Variants in PKHD1 observed in about 807,000 individuals in gnomAD.
The protein encoded by PKHD1 is PKHD1 ciliary IPT domain containing fibrocystin/polyductin.
Under a neutral mutation model 412.0 loss-of-function variants are expected in PKHD1, and 291 were observed. That is an observed-to-expected ratio of 0.71 (90% CI 0.64 to 0.78). The LOEUF is 0.78. Ranked by LOEUF, PKHD1 falls within the 30% of genes least tolerant of loss-of-function variation. The pLI, the probability that PKHD1 is intolerant of heterozygous loss-of-function variation, is 0.00. For missense variants in PKHD1, 4,825 were observed against 4,950.7 expected (o/e 0.97, Z 0.76); for synonymous variants, 1,777 against 1,821.5 (o/e 0.98, Z 0.62).
At chr6:51,747,031 T>G (rs1281706198) in intron 58 of PKHD1, 142 bp from the exon 59 acceptor site, 1 of 600,586 alleles carries the variant, frequency 1.7e-6, no homozygotes, top group African/African-American at 1.9e-5. Context: ...GGAGTTTACA[T>G]ACATCTTGAT....
At chr6:52,019,355 TG>T (rs1801061801) in intron 33 of PKHD1, among the ~76,000 whole-genome samples, 1 of 152,236 alleles carries the variant, frequency 6.6e-6, no homozygotes, top group African/African-American at 2.4e-5. Context: ...ATAGTACTAT[TG>T]TTGCTGTTAT....
intron 40 of PKHD1, among the ~76,000 whole-genome samples, chr6:51,907,608 C>T (rs966282937): frequency 5.3e-5 from 8 of 152,136 alleles, no homozygotes; most frequent in African/African-American, 2.4e-5. Context: ...ACCTATGTAA[C>T]AAACCTGCAC....
intron 60 of PKHD1, among the ~76,000 whole-genome samples, chr6:51,736,616 C>G (rs957135179): frequency 5.9e-5 from 9 of 152,076 alleles, no homozygotes; most frequent in African/African-American, 2.2e-4. Context: ...AGCTATATAC[C>G]AAGCTTCAAT....
At chr6:52,056,584 A>G (rs914307618) in intron 18 of PKHD1, 114 bp downstream of exon 18, 1 of 773,010 alleles carries the variant, frequency 1.3e-6, no homozygotes, top group Non-Finnish European at 2.2e-6. Flanking sequence ...CAGGTTTCAT[A>G]TTTTTTTTTT....
At chr6:52,001,982 A>T (rs1038437309) in intron 35 of PKHD1, among the ~76,000 whole-genome samples, 1 of 152,308 alleles carries the variant, frequency 6.6e-6, no homozygotes, top group African/African-American at 2.4e-5. Flanking sequence ...GCACATTTCC[A>T]GGGCTGTCTA....
chr6:52,074,855 C>T (rs1811129180), intron 6 of PKHD1, among the ~76,000 whole-genome samples: 1 of 152,144 alleles, frequency 6.6e-6, no homozygotes, highest in Non-Finnish European at 1.5e-5. Flanking sequence ...TGGATCCTGC[C>T]CAGGGGGGAC....
At position 52,083,250 on chromosome 6, in the gene PKHD1, G is replaced by T; in HGVS notation, c.58C>A (p.His20Asn). 1 of 1,600,324 alleles carries T rather than the reference G, an allele frequency of 6.2e-7. No homozygotes were observed. The highest frequency in any genetic ancestry group is 8.6e-7 in the Non-Finnish European group (1 of 1,167,426). ...TCAGGTTCAATATGTAAACTCAGGT[G>T]ACGTACTGTAAGTAAGTGAAAAAAA... ...SIEVLLLAVR[H>N]LSLHIEPEEG... Residue 20 changes from histidine to asparagine, a missense_variant, in exon 3 of 67, where the codon CAC becomes AAC. Transcript: ENST00000371117.
chr6:51,802,870 G>A (rs1206403772), intron 52 of PKHD1, among the ~76,000 whole-genome samples: 2 of 150,736 alleles, frequency 1.3e-5, no homozygotes, highest in Admixed American at 6.6e-5. Context: ...CGGTATTATT[G>A]ACTTTTTTTC....
chr6:51,959,795 G>C (rs2127945999), intron 36 of PKHD1, 75 bp downstream of exon 36: 1 of 1,327,782 alleles, frequency 7.5e-7, no homozygotes, highest in East Asian at 2.3e-5. Context: ...TATCCAGAAA[G>C]TTTCCCTCCT....
chr6:51,922,270 C>A (rs567683920), intron 37 of PKHD1, among the ~76,000 whole-genome samples: 24 of 152,248 alleles, frequency 1.6e-4, no homozygotes, highest in Non-Finnish European at 2.9e-4. Flanking sequence ...TGAAGAACAG[C>A]AAATATTGCA....
intron 60 of PKHD1, among the ~76,000 whole-genome samples, chr6:51,679,707 A>G (rs941557481): frequency 8.6e-5 from 13 of 151,966 alleles, no homozygotes; most frequent in Non-Finnish European, 1.9e-4. Flanking sequence ...TAATGACCCA[A>G]CTCGGTGATT....
intron 12 of PKHD1, among the ~76,000 whole-genome samples, chr6:52,065,461 T>G (rs916527546): frequency 1.8e-4 from 28 of 152,024 alleles, no homozygotes; most frequent in African/African-American, 6.0e-4. Flanking sequence ...CATGACAGTG[T>G]GAGGACACCC....
At position 52,054,082 on chromosome 6, in the gene PKHD1, C is replaced by A; in HGVS notation, c.1920G>T (p.Lys640Asn). The A allele has an allele frequency of 6.2e-7, 1 of 1,614,026 alleles. No homozygotes were observed. The change falls in exon 20 of 67, where the codon AAG becomes AAT. Residue 640 changes from lysine (K) to asparagine (N), a missense_variant. Physicochemically the swap from Lys to Asn is moderately conservative, Grantham distance 94. Transcript: ENST00000371117. ...SFTIGFQNMVKNTTCDWSLTR... is the reference protein window; with the variant it reads ...SFTIGFQNMVNNTTCDWSLTR... ...TGAGACTCCAGTCACAGGTGGTATTCTTTACCATGTTTTGAAAGCCGATTG... is the reference window on the plus strand; with the variant it reads ...TGAGACTCCAGTCACAGGTGGTATTATTTACCATGTTTTGAAAGCCGATTG...
In PKHD1 at chr6:52,067,527, T is replaced by C. The variant is rs550056834; in HGVS notation, c.779-1450A>G. ...GTAAGGCAGGTATGCAAAACTATCA[T>C]TTAATACCTTGGGTCGGAGAAATTA... On this transcript the variant is annotated intron_variant, in intron 11 of 66. Coordinates refer to ENST00000371117, the MANE Select transcript of PKHD1 (RefSeq NM_138694.4). Among the ~76,000 whole-genome samples, 25 of 152,336 alleles carry C rather than the reference T, an allele frequency of 1.6e-4. No homozygotes were observed. In the South Asian group the frequency reaches 2.3e-3, roughly 14 times the overall value.
In PKHD1 at chr6:52,025,011, C is replaced by T; in HGVS notation, c.4799G>A (p.Gly1600Glu). 6.2e-7 allele frequency: 1 copy of T among 1,614,192 alleles called. No individual in the cohort carries two copies. The highest frequency in any genetic ancestry group is 2.2e-5 in the East Asian group (1 of 44,882). ...AATATAGACTGACGTGGTGTTCTGT[C>T]CTCTCAGGCCTGTGCCCTCTATGGT... The part of the protein sequence containing the change: ...LLTIEGTGLR[G>E]QNTTSVYIDQ... Residue 1600 changes from glycine to glutamate, a missense_variant, in exon 32 of 67, where the codon GGA becomes GAA. By Grantham distance (98) the Gly-to-Glu change is moderately conservative (BLOSUM62 -2). Transcript: ENST00000371117.
At chr6:51,849,904 C>A (rs1771883715) in intron 49 of PKHD1, among the ~76,000 whole-genome samples, 1 of 152,136 alleles carries the variant, frequency 6.6e-6, no homozygotes, top group African/African-American at 2.4e-5. Flanking sequence ...TTAATTAGAT[C>A]CCATTTGTCA....
chr6:51,963,065 C>T (rs1792309340), intron 35 of PKHD1, among the ~76,000 whole-genome samples: 1 of 152,084 alleles, frequency 6.6e-6, no homozygotes, highest in African/African-American at 2.4e-5. Context: ...AGATATCACA[C>T]ACAAACACAC....
intron 52 of PKHD1, among the ~76,000 whole-genome samples, chr6:51,826,359 T>G (rs762931636): frequency 1.5e-4 from 23 of 152,176 alleles, no homozygotes; most frequent in South Asian, 4.1e-4. Flanking sequence ...AATGTAACAG[T>G]GAATTCTACC....
intron 35 of PKHD1, among the ~76,000 whole-genome samples, chr6:51,976,382 A>G (rs755339345): frequency 7.2e-5 from 11 of 152,328 alleles, no homozygotes; most frequent in Middle Eastern, 3.4e-3. Flanking sequence ...TAAAAGAAAT[A>G]AACCAAACAC....
Sources: gnomAD v4.1 joint callset for allele counts (sites outside exome capture counted in the v4.1 genomes callset) on GRCh38, gnomAD v4.1.1 for gene constraint, MANE v1.5 for transcripts, NCBI Gene and HGNC (gene_info 2026-07-23, HGNC 2026-07-21) for gene names.